EFCAB14: variants seen among roughly 807,000 people sequenced by gnomAD.
EFCAB14 encodes EF-hand calcium-binding domain-containing protein 14.
EFCAB14 carries 43 observed loss-of-function variants against 56.5 expected under a neutral mutation model. The ratio of observed to expected loss-of-function variants is 0.76; its 90% CI spans 0.60 to 0.98. The LOEUF (loss-of-function observed/expected upper bound fraction) is 0.98. EFCAB14 is among the 50% of genes least tolerant of loss of function. The pLI is 0.00. For synonymous variants in EFCAB14, 235 were observed against 212.9 expected (o/e 1.10, Z -0.90); for missense variants, 538 against 580.3 (o/e 0.93, Z 0.75).
At position 46,716,326 on chromosome 1, in the gene EFCAB14, A is replaced by G. The variant is rs2148852483; in HGVS notation, c.303T>C (p.Asp101=). 1 of 1,613,068 alleles carries G rather than the reference A, an allele frequency of 6.2e-7. No individual in the cohort carries two copies. Among genetic ancestry groups the G allele is most frequent in the South Asian group, 1.1e-5 (1 of 91,000 alleles). ...GAAATTTTTCCTTGAGGGCATCCAG[A>G]TCCTCCTTGAGAGCAACCTGCATCC... ...LVWMQVALKE[D]LDALKEKFRT... is the part of the protein sequence containing the mutation. The change falls in exon 2 of 11, where the codon GAT becomes GAC. Residue 101 remains aspartate, a synonymous_variant. Transcript: ENST00000371933.
At chr1:46,715,202 G>C (rs796170852) in intron 2 of EFCAB14, among the ~76,000 whole-genome samples, 32 of 152,268 alleles carry the variant, frequency 2.1e-4, no homozygotes, top group African/African-American at 7.7e-4. Context: ...ACTTCTTTTA[G>C]ATTACTGACC....
At position 46,678,503 on chromosome 1, in the gene EFCAB14, T is replaced by C; in HGVS notation, c.1446A>G (p.Gly482=). 1 of 1,614,160 alleles carries C rather than the reference T, an allele frequency of 6.2e-7. No individual in the cohort carries two copies. The highest frequency in any genetic ancestry group is 8.5e-7 in the Non-Finnish European group (1 of 1,180,036). ...CCCTTAGCTCCAGGAATGAGTATCT[T>C]CCATCTCCATCGGAATCAAATGCTC... is the stretch of plus-strand genomic sequence containing the variant. The part of the protein sequence containing the change: ...SLRAFDSDGD[G]RYSFLELRVA... Residue 482 remains glycine, a synonymous_variant, in exon 11 of 11, where the codon GGA becomes GGG. Transcript: ENST00000371933.
At chr1:46,702,201 C>T (rs1226447912) in intron 3 of EFCAB14, among the ~76,000 whole-genome samples, 1 of 152,124 alleles carries the variant, frequency 6.6e-6, no homozygotes, top group Non-Finnish European at 1.5e-5. Context: ...CTACAGTAGA[C>T]CATTTGCTTA....
At chr1:46,710,279 T>C (rs953532049) in intron 2 of EFCAB14, among the ~76,000 whole-genome samples, 1 of 152,220 alleles carries the variant, frequency 6.6e-6, no homozygotes, top group Admixed American at 6.5e-5. Context: ...ACATGTAATG[T>C]ATAGTGATCA....
At chr1:46,679,578 T>G (rs1027083076) in intron 10 of EFCAB14, among the ~76,000 whole-genome samples, 24 of 136,834 alleles carry the variant, frequency 1.8e-4, no homozygotes, top group African/African-American at 6.6e-4. Context: ...GCTGGGATTA[T>G]AGGCGTGAAC....
rs961861808 is a variant in EFCAB14, at chr1:46,677,162, C to T, written c.*1299G>A. On this transcript the variant is annotated 3_prime_UTR_variant, in exon 11 of 11. Transcript: ENST00000371933. Reference sequence around the variant, plus strand: ...CTTTCAATCTAGGGATCTTTCATGCCAGGTCCACAGAAGCATTTAAAGGAA... The same window carrying T: ...CTTTCAATCTAGGGATCTTTCATGCTAGGTCCACAGAAGCATTTAAAGGAA... 2 of 152,530 alleles carry T rather than the reference C, an allele frequency of 1.3e-5. No homozygotes were observed. The highest frequency in any genetic ancestry group is 2.9e-5 in the Non-Finnish European group (2 of 68,044). 9.4% of individuals were successfully genotyped at this position (152,530 alleles called of 1,614,324 possible).
chr1:46,701,920 CT>C (rs796637076), intron 3 of EFCAB14, among the ~76,000 whole-genome samples: 3 of 152,336 alleles, frequency 2.0e-5, no homozygotes, highest in African/African-American at 7.2e-5. Context: ...ATGCCAACAT[CT>C]GTGGAAAGCT....
chr1:46,702,000 T>C (rs1677165528), intron 3 of EFCAB14, among the ~76,000 whole-genome samples: 1 of 152,260 alleles, frequency 6.6e-6, no homozygotes, highest in South Asian at 2.1e-4. Context: ...CTGGAATTGC[T>C]CTGGCCTCTA....
At chr1:46,696,448 C>G (rs945035804) in intron 4 of EFCAB14, 103 bp downstream of exon 4, 4 of 1,097,042 alleles carry the variant, frequency 3.6e-6, no homozygotes, top group Non-Finnish European at 5.4e-6. Context: ...ATTTCAAATG[C>G]TAGGCTTTCA....
At chr1:46,705,768 C>T (rs989009198) in intron 3 of EFCAB14, among the ~76,000 whole-genome samples, 12 of 151,998 alleles carry the variant, frequency 7.9e-5, no homozygotes, top group African/African-American at 2.9e-4. Context: ...GTATCGCTCA[C>T]GTTTATTTCA....
In EFCAB14 at chr1:46,691,884, T is replaced by A; in HGVS notation, c.633A>T (p.Ala211=). ...TLNSVHLAVE[A]LQKTVDEHKK... is the part of the protein sequence containing the mutation. Reference sequence around the variant, plus strand: ...TGTGTTCATCCACAGTTTTCTGTAGTGCTTCCACAGCAAGATGGACGCTGT... The same window carrying A: ...TGTGTTCATCCACAGTTTTCTGTAGAGCTTCCACAGCAAGATGGACGCTGT... The change falls in exon 5 of 11, where the codon GCA becomes GCT. Residue 211 remains alanine (A), a synonymous_variant. Coordinates refer to ENST00000371933, the MANE Select transcript of EFCAB14 (RefSeq NM_014774.3). The A allele has an allele frequency of 6.2e-7, 1 of 1,613,652 alleles. No homozygotes were observed. The highest frequency in any genetic ancestry group is 8.5e-7 in the Non-Finnish European group (1 of 1,179,748).
At chr1:46,713,136 A>G (rs924369565) in intron 2 of EFCAB14, among the ~76,000 whole-genome samples, 8 of 152,168 alleles carry the variant, frequency 5.3e-5, no homozygotes, top group African/African-American at 1.7e-4. Context: ...ATTGGTTCTC[A>G]CAAAATAACT....
rs751578255 is a variant in EFCAB14 at position 46,708,069 on chromosome 1, G to T, written c.335-18C>A. The T allele has an allele frequency of 3.1e-6, 5 of 1,606,996 alleles. No individual in the cohort carries two copies. In the South Asian group the frequency reaches 5.5e-5, roughly 18 times the overall value. ...AGATTCCACTAAAAAGACAAAATAA[G>T]AACAATCATAACTAGCATAAAGTGC... On this transcript the variant is annotated intron_variant, in intron 2 of 10. Transcript: ENST00000371933.
intron 10 of EFCAB14, among the ~76,000 whole-genome samples, chr1:46,683,004 T>TAA (rs570888813): frequency 7.1e-6 from 1 of 140,356 alleles, no homozygotes; most frequent in Non-Finnish European, 1.6e-5. Flanking sequence ...CCTGGGGGTC[T>TAA]AAAAAAAAAG....
Position 46,678,285 on chromosome 1 carries a change from T to C in EFCAB14, c.*176A>G. On this transcript the variant is annotated 3_prime_UTR_variant, in exon 11 of 11. Coordinates refer to ENST00000371933, the MANE Select transcript of EFCAB14 (RefSeq NM_014774.3). ...AGATTTCTGAACATCATAAGTAAAA[T>C]GGTCTTCTTCTTTAAAAAAATAACT... The C allele has an allele frequency of 2.1e-6, 1 of 485,238 alleles. No individual in the cohort carries two copies. The highest frequency in any genetic ancestry group is 3.5e-6 in the Non-Finnish European group (1 of 284,878). The allele number at this position is 485,238 out of a possible 1,614,324, so 30.1% of individuals were successfully genotyped here.
At chr1:46,692,861 A>G (rs1275220971) in intron 4 of EFCAB14, among the ~76,000 whole-genome samples, 1 of 152,198 alleles carries the variant, frequency 6.6e-6, no homozygotes, top group East Asian at 1.9e-4. Context: ...GATTTTTCCT[A>G]GAGGAAAACC....
In EFCAB14 at chr1:46,718,035, C is replaced by T. The variant is rs1557453787; in HGVS notation, c.53G>A (p.Arg18Gln). The part of the protein sequence containing the change: ...NALIGLAGDS[R>Q]RKKPKKGPSS... Reference sequence around the variant, plus strand: ...TGGGCCTTTCTTGGGCTTCTTTCTCCGGCTGTCCCCAGCCAAACCAATCAA... The same window carrying T: ...TGGGCCTTTCTTGGGCTTCTTTCTCTGGCTGTCCCCAGCCAAACCAATCAA... Residue 18 changes from arginine to glutamine, a missense_variant, in exon 1 of 11, where the codon CGG (arginine) becomes CAG (glutamine). Physicochemically the swap from Arg to Gln is conservative, Grantham distance 43. Coordinates refer to ENST00000371933, the MANE Select transcript of EFCAB14 (RefSeq NM_014774.3). 1.2e-6 allele frequency: 2 copies of T among 1,614,204 alleles called. No homozygotes were observed. Among genetic ancestry groups the T allele is most frequent in the South Asian group, 1.1e-5 (1 of 91,086 alleles).
At position 46,683,064 on chromosome 1, in the gene EFCAB14, T is replaced by C. The variant is rs575109136; in HGVS notation, c.1312+236A>G. Among the ~76,000 whole-genome samples, 3 of 152,288 alleles carry C rather than the reference T, an allele frequency of 2.0e-5. No individual in the cohort carries two copies. In the South Asian group the frequency reaches 6.2e-4, roughly 32 times the overall value. On this transcript the variant is annotated intron_variant, in intron 10 of 10. Transcript: ENST00000371933. ...TTGGTTTGCATTCTGTTTCAACCAA[T>C]TATTTGCTGTGTGGACTTAGGCAGT...
intron 3 of EFCAB14, among the ~76,000 whole-genome samples, chr1:46,706,168 TAA>T (rs964042453): frequency 5.9e-5 from 9 of 152,286 alleles, no homozygotes; most frequent in Admixed American, 1.3e-4. Flanking sequence ...CACCTGACCT[TAA>T]GTCTTCTTTA....
Sources: allele counts gnomAD v4.1 joint callset (sites outside exome capture counted in the v4.1 genomes callset), GRCh38; gene constraint gnomAD v4.1.1; transcripts MANE v1.5; gene names NCBI Gene and HGNC (gene_info 2026-07-23, HGNC 2026-07-21).